The following SH3RF3 variants were observed in gnomAD, a reference collection of about 807,000 sequenced individuals.
The protein encoded by SH3RF3 is E3 ubiquitin-protein ligase SH3RF3.
A neutral mutation model predicts 66.3 loss-of-function variants in SH3RF3; 29 were observed. The observed-to-expected ratio is 0.44, with a 90% confidence interval of 0.33 to 0.60. SH3RF3 has a LOEUF of 0.60. SH3RF3 is among the 20% of genes least tolerant of loss of function. SH3RF3 has a pLI of 0.04. For missense variants in SH3RF3, 1,194 were observed against 1,190.9 expected, an observed-to-expected ratio of 1.00 and a Z score of -0.04; for synonymous variants, 583 against 532.0, an observed-to-expected ratio of 1.10 and a Z score of -1.32.
chr2:109,365,255 A>G (rs1410725828), intron 2 of SH3RF3, among the ~76,000 whole-genome samples: 1 of 152,170 alleles, frequency 6.6e-6, no homozygotes, highest in Non-Finnish European at 1.5e-5. Flanking sequence ...TCCTTGAGGC[A>G]CAATTCACAA....
At chr2:109,471,785 C>T (rs922907212) in intron 8 of SH3RF3, among the ~76,000 whole-genome samples, 3 of 152,204 alleles carry the variant, frequency 2.0e-5, no homozygotes, top group African/African-American at 7.2e-5. Context: ...GACTAATGCA[C>T]AGTCCTGGAT....
At chr2:109,397,223 G>A (rs1676171522) in intron 3 of SH3RF3, among the ~76,000 whole-genome samples, 1 of 152,116 alleles carries the variant, frequency 6.6e-6, no homozygotes. Flanking sequence ...GACAGCTCCC[G>A]CTTCCTCCTG....
rs571555649 is a variant in SH3RF3, at chr2:109,195,003, C to T, written c.573+64890C>T. On this transcript the variant is annotated intron_variant, in intron 1 of 9. Transcript: ENST00000309415. Reference sequence around the variant, plus strand: ...CTTTTTTGTGGATTTTGAGAACACACAGCTTTTTAGAAGTGGGGGAAATGA... The same window carrying T: ...CTTTTTTGTGGATTTTGAGAACACATAGCTTTTTAGAAGTGGGGGAAATGA... 2.6e-5 allele frequency among the ~76,000 whole-genome samples: 4 copies of T among 152,248 alleles called. 1 individual carries two copies. In the South Asian group the frequency reaches 8.3e-4, roughly 32 times the overall value.
At chr2:109,442,277 C>G (rs1464822659) in intron 7 of SH3RF3, among the ~76,000 whole-genome samples, 1 of 149,232 alleles carries the variant, frequency 6.7e-6, no homozygotes, top group African/African-American at 2.5e-5. Flanking sequence ...TGCCACTGCA[C>G]TCCAGCCTGG....
chr2:109,412,178 C>T (rs57668714), intron 4 of SH3RF3, among the ~76,000 whole-genome samples: 6,919 of 152,358 alleles, frequency 0.045, 504 homozygotes, highest in African/African-American at 0.15. Context: ...GCGTGTGCTC[C>T]GCACAGTGTG....
chr2:109,305,688 T>C (rs904133649), intron 1 of SH3RF3, among the ~76,000 whole-genome samples: 1 of 152,238 alleles, frequency 6.6e-6, no homozygotes, highest in Non-Finnish European at 1.5e-5. Context: ...TGCCTGTCAC[T>C]GTACACTCCT....
chr2:109,498,013 A>G (rs1220295538), intron 9 of SH3RF3, among the ~76,000 whole-genome samples: 1 of 152,136 alleles, frequency 6.6e-6, no homozygotes, highest in Non-Finnish European at 1.5e-5. Flanking sequence ...TCGCAGCCTC[A>G]GTTTGTGTGT....
At chr2:109,242,908 C>G (rs994161671) in intron 1 of SH3RF3, among the ~76,000 whole-genome samples, 2 of 152,200 alleles carry the variant, frequency 1.3e-5, no homozygotes, top group African/African-American at 4.8e-5. Flanking sequence ...CCTCACAGAA[C>G]AGCATTAGGA....
chr2:109,251,530 T>C (rs185936057), intron 1 of SH3RF3: 2 of 752,794 alleles, frequency 2.7e-6, no homozygotes, highest in East Asian at 2.6e-5. Context: ...ATTTGGTCCC[T>C]TTATGAATCT....
intron 9 of SH3RF3, among the ~76,000 whole-genome samples, chr2:109,494,268 G>C (rs562310408): frequency 6.6e-6 from 1 of 150,916 alleles, no homozygotes; most frequent in East Asian, 2.0e-4. Flanking sequence ...CATCTAATCA[G>C]GGGTCATTGT....
At chr2:109,266,191 GT>G (rs1402038377) in intron 1 of SH3RF3, among the ~76,000 whole-genome samples, 3 of 150,652 alleles carry the variant, frequency 2.0e-5, no homozygotes, top group African/African-American at 7.3e-5. Context: ...GCATGTGTGT[GT>G]TGTGTGTTGT....
chr2:109,218,918 C>T (rs1242539592), intron 1 of SH3RF3, among the ~76,000 whole-genome samples: 2 of 152,214 alleles, frequency 1.3e-5, no homozygotes, highest in East Asian at 3.8e-4. Flanking sequence ...GGTGAGAGCC[C>T]TGCCTTCCCT....
intron 1 of SH3RF3, among the ~76,000 whole-genome samples, chr2:109,342,875 AT>A (rs1402828887): frequency 6.6e-6 from 1 of 152,260 alleles, no homozygotes; most frequent in African/African-American, 2.4e-5. Context: ...TTTAATTATT[AT>A]TAATGCCTTG....
intron 1 of SH3RF3, among the ~76,000 whole-genome samples, chr2:109,324,921 C>T: frequency 6.6e-6 from 1 of 152,236 alleles, no homozygotes; most frequent in East Asian, 1.9e-4. Context: ...AAACCCTCTC[C>T]TCTTGCCATT....
chr2:109,298,087 A>G (rs1681365548), intron 1 of SH3RF3, among the ~76,000 whole-genome samples: 1 of 152,082 alleles, frequency 6.6e-6, no homozygotes, highest in Non-Finnish European at 1.5e-5. Context: ...GATCTGTCCC[A>G]CTCAAACCTG....
chr2:109,393,023 A>T (rs1290416936), intron 3 of SH3RF3, among the ~76,000 whole-genome samples: 1 of 152,142 alleles, frequency 6.6e-6, no homozygotes, highest in Admixed American at 6.5e-5. Context: ...ACAACTGGCA[A>T]GTGTTGATCG....
intron 1 of SH3RF3, among the ~76,000 whole-genome samples, chr2:109,303,799 G>C (rs1681528989): frequency 6.6e-6 from 1 of 152,214 alleles, no homozygotes; most frequent in Non-Finnish European, 1.5e-5. Flanking sequence ...GGGTGAGTCT[G>C]TGAAGCCATC....
At chr2:109,466,373 C>A (rs1170844270) in intron 8 of SH3RF3, among the ~76,000 whole-genome samples, 1 of 152,076 alleles carries the variant, frequency 6.6e-6, no homozygotes, top group African/African-American at 2.4e-5. Context: ...GAGTCCTGCG[C>A]CCAGCCTGTA....
chr2:109,134,202 A>G (rs1045678196), intron 1 of SH3RF3, among the ~76,000 whole-genome samples: 1 of 152,158 alleles, frequency 6.6e-6, no homozygotes, highest in African/African-American at 2.4e-5. Flanking sequence ...AGAGATTGAT[A>G]TTTGGGCAAG....
Sources: allele counts gnomAD v4.1 joint callset (sites outside exome capture counted in the v4.1 genomes callset), GRCh38; gene constraint gnomAD v4.1.1; transcripts MANE v1.5; gene names NCBI Gene and HGNC (gene_info 2026-07-23, HGNC 2026-07-21).